GATAD2B: variants seen among roughly 807,000 people sequenced by gnomAD.
The protein encoded by GATAD2B is transcriptional repressor p66-beta.
GATAD2B carries 8 observed loss-of-function variants against 64.3 expected under a neutral mutation model. The ratio of observed to expected loss-of-function variants is 0.12; its 90% CI spans 0.07 to 0.22. The LOEUF is 0.22. Ranked by LOEUF, GATAD2B falls within the 10% of genes least tolerant of loss-of-function variation. GATAD2B has a pLI of 1.00. For missense variants in GATAD2B, 453 were observed against 752.0 expected (o/e 0.60, Z 4.65); for synonymous variants, 281 against 271.3 (o/e 1.04, Z -0.35).
chr1:153,894,839 G>A lies in GATAD2B; in HGVS notation c.-2+27894C>T, dbSNP rs192800112. Among the ~76,000 whole-genome samples the A allele has an allele frequency of 9.7e-4, 148 of 152,192 alleles. 1 individual carries two copies. Among genetic ancestry groups the A allele is most frequent in the Admixed American group, 2.4e-3 (37 of 15,290 alleles). ...ATTGCTCCACTGCACTCCAGCCTGG[G>A]TGACAGGTCGAGACTACGTCTCAAA... On this transcript the variant is annotated intron_variant, in intron 1 of 10. Transcript: ENST00000368655.
intron 1 of GATAD2B, chr1:153,914,764 T>C (rs1246212420): frequency 6.6e-6 from 1 of 151,780 alleles, no homozygotes; most frequent in Non-Finnish European, 1.5e-5. Flanking sequence ...GGAGACCCCA[T>C]CTCTACAAAA....
intron 1 of GATAD2B, among the ~76,000 whole-genome samples, chr1:153,918,499 T>C (rs1678338215): frequency 6.6e-6 from 1 of 152,270 alleles, no homozygotes; most frequent in Admixed American, 6.5e-5. Flanking sequence ...TTATTAATCC[T>C]GGTGTCTAAT....
At chr1:153,841,116 C>T (rs181028809) in intron 1 of GATAD2B, among the ~76,000 whole-genome samples, 46 of 131,970 alleles carry the variant, frequency 3.5e-4, no homozygotes, top group African/African-American at 1.2e-3. Flanking sequence ...CAGAGGAAGA[C>T]TCCGTCTCAA....
intron 2 of GATAD2B, among the ~76,000 whole-genome samples, chr1:153,820,089 T>C (rs1037046036): frequency 2.0e-5 from 3 of 146,354 alleles, no homozygotes; most frequent in African/African-American, 5.0e-5. Flanking sequence ...CAGAGCGAGG[T>C]TCCCGTCTCA....
intron 1 of GATAD2B, among the ~76,000 whole-genome samples, chr1:153,845,761 A>AAAAT (rs1021488748): frequency 3.6e-4 from 55 of 152,072 alleles, no homozygotes; most frequent in African/African-American, 9.6e-4. Flanking sequence ...CTATCTCAAA[A>AAAAT]AAATAAATAA....
chr1:153,847,438 G>A (rs557065308), intron 1 of GATAD2B, among the ~76,000 whole-genome samples: 10 of 152,194 alleles, frequency 6.6e-5, no homozygotes, highest in African/African-American at 1.2e-4. Flanking sequence ...AGCCTGAAGC[G>A]CACTGGTAAA....
chr1:153,882,819 T>A (rs535308621), intron 1 of GATAD2B, among the ~76,000 whole-genome samples: 13 of 152,328 alleles, frequency 8.5e-5, no homozygotes, highest in African/African-American at 2.9e-4. Flanking sequence ...TTCCCTTTCC[T>A]GTTTTAGAGC....
chr1:153,907,953 C>A (rs1018675995), intron 1 of GATAD2B, among the ~76,000 whole-genome samples: 4 of 152,036 alleles, frequency 2.6e-5, no homozygotes, highest in Non-Finnish European at 4.4e-5. Context: ...TACAGGCATG[C>A]GCCACCACGT....
chr1:153,880,657 A>T (rs1038923373), intron 1 of GATAD2B, among the ~76,000 whole-genome samples: 1 of 151,902 alleles, frequency 6.6e-6, no homozygotes, highest in Non-Finnish European at 1.5e-5. Flanking sequence ...CAGCCTGGAC[A>T]ACACAGGAAG....
chr1:153,860,194 T>C (rs1439074749), intron 1 of GATAD2B, among the ~76,000 whole-genome samples: 3 of 151,428 alleles, frequency 2.0e-5, no homozygotes, highest in Non-Finnish European at 2.9e-5. Flanking sequence ...GGATTACAGG[T>C]GTGAGCCACT....
chr1:153,884,088 G>A (rs537476450), intron 1 of GATAD2B, among the ~76,000 whole-genome samples: 6 of 151,648 alleles, frequency 4.0e-5, no homozygotes, highest in Middle Eastern at 3.4e-3. Context: ...CCTGAGGCCC[G>A]GAGTTCGACA....
intron 1 of GATAD2B, among the ~76,000 whole-genome samples, chr1:153,920,784 TC>T (rs1364516531): frequency 6.6e-6 from 1 of 152,176 alleles, no homozygotes; most frequent in Non-Finnish European, 1.5e-5. Flanking sequence ...GCCTTCTGAT[TC>T]CTGCTGATTA....
At chr1:153,835,183 T>C (rs1203639538) in intron 1 of GATAD2B, among the ~76,000 whole-genome samples, 1 of 152,074 alleles carries the variant, frequency 6.6e-6, no homozygotes, top group Non-Finnish European at 1.5e-5. Flanking sequence ...GCAAAGAAAG[T>C]GGTTTCTTGA....
At chr1:153,831,987 G>T (rs1446036716) in intron 1 of GATAD2B, among the ~76,000 whole-genome samples, 1 of 152,196 alleles carries the variant, frequency 6.6e-6, no homozygotes, top group South Asian at 2.1e-4. Flanking sequence ...AGCCAAGGCG[G>T]GCTGATCACT....
intron 1 of GATAD2B, among the ~76,000 whole-genome samples, chr1:153,833,714 G>A (rs1484415548): frequency 6.6e-6 from 1 of 151,112 alleles, no homozygotes; most frequent in Non-Finnish European, 1.5e-5. Context: ...GGAGGGTGAG[G>A]CAGGAGAATA....
In GATAD2B at chr1:153,809,781, G is replaced by A. The variant is rs13375579; in HGVS notation, c.*396C>T. 3,465 of 153,634 alleles carry A rather than the reference G, an allele frequency of 0.023. 121 individuals carry two copies. The highest frequency in any genetic ancestry group is 0.079 in the African/African-American group (3,263 of 41,220). The allele number at this position is 153,634 out of a possible 1,614,324, so 9.5% of individuals were successfully genotyped here. A position where few individuals can be genotyped will look rare whatever the true frequency, so the allele number is the denominator to read the frequency against. ...TGGTTGAGTGGGGGAAGGTTTAACC[G>A]TCCACTGAACAAAGGGAGGACACAC... On this transcript the variant is annotated 3_prime_UTR_variant, in exon 11 of 11. Coordinates refer to ENST00000368655, the MANE Select transcript of GATAD2B (RefSeq NM_020699.4).
At chr1:153,890,752 C>CAA (rs1314956387) in intron 1 of GATAD2B, 1 of 152,240 alleles carries the variant, frequency 6.6e-6, no homozygotes, top group Admixed American at 6.5e-5. Context: ...TCCATCATTA[C>CAA]AGTGACAATA....
chr1:153,906,406 C>G (rs1677940289), intron 1 of GATAD2B, among the ~76,000 whole-genome samples: 1 of 152,024 alleles, frequency 6.6e-6, no homozygotes, highest in Non-Finnish European at 1.5e-5. Flanking sequence ...GCGACAGAGC[C>G]AGACTCTGTC....
intron 1 of GATAD2B, among the ~76,000 whole-genome samples, chr1:153,847,964 AAAAC>A (rs755922483): frequency 1.8e-4 from 28 of 152,328 alleles, no homozygotes; most frequent in Non-Finnish European, 2.5e-4. Context: ...GAGTAACTGT[AAAAC>A]AAACAAACAT....
Sources: gnomAD v4.1 joint callset for allele counts (sites outside exome capture counted in the v4.1 genomes callset) on GRCh38, gnomAD v4.1.1 for gene constraint, MANE v1.5 for transcripts, NCBI Gene and HGNC (gene_info 2026-07-23, HGNC 2026-07-21) for gene names.